The following EPHA3 variants were observed in gnomAD, a reference collection of about 807,000 sequenced individuals.
EPHA3 encodes ephrin type-A receptor 3.
A neutral mutation model predicts 107.1 loss-of-function variants in EPHA3; 42 were observed. The observed-to-expected ratio is 0.39, with a 90% CI of 0.31 to 0.51. EPHA3 has a LOEUF of 0.51. Ranked by LOEUF, EPHA3 falls within the 20% of genes least tolerant of loss-of-function variation. The pLI, the probability that EPHA3 is intolerant of heterozygous loss-of-function variation, is 0.78. For missense variants in EPHA3, 1,183 were observed against 1,211.2 expected, an observed-to-expected ratio of 0.98 and a Z score of 0.35; for synonymous variants, 461 against 424.8, an observed-to-expected ratio of 1.09 and a Z score of -1.05.
At chr3:89,137,985 G>A (rs1032970202) in intron 2 of EPHA3, among the ~76,000 whole-genome samples, 11 of 151,878 alleles carry the variant, frequency 7.2e-5, no homozygotes, top group African/African-American at 2.7e-4. Context: ...ATTTTTAATA[G>A]GCTGTCCATG....
chr3:89,369,377 C>A (rs1184055124), intron 5 of EPHA3, among the ~76,000 whole-genome samples: 6 of 150,656 alleles, frequency 4.0e-5, no homozygotes, highest in African/African-American at 1.5e-4. Flanking sequence ...TTTGACAAAC[C>A]TGAGAAAAAC....
At chr3:89,198,024 G>T (rs1357515820) in intron 2 of EPHA3, among the ~76,000 whole-genome samples, 4 of 151,982 alleles carry the variant, frequency 2.6e-5, no homozygotes. Flanking sequence ...CAAATATTCA[G>T]TTACCTTTTG....
At chr3:89,428,289 C>T (rs1362066780) in intron 11 of EPHA3, among the ~76,000 whole-genome samples, 1 of 151,842 alleles carries the variant, frequency 6.6e-6, no homozygotes, top group Non-Finnish European at 1.5e-5. Context: ...GTTAATTAGC[C>T]TCTGTGTCTC....
At chr3:89,241,327 G>A (rs1435823595) in intron 3 of EPHA3, among the ~76,000 whole-genome samples, 1 of 152,156 alleles carries the variant, frequency 6.6e-6, no homozygotes, top group Non-Finnish European at 1.5e-5. Context: ...ACCTACTGTA[G>A]CTAAATATTA....
At chr3:89,273,751 A>T (rs1346058979) in intron 3 of EPHA3, among the ~76,000 whole-genome samples, 1 of 151,894 alleles carries the variant, frequency 6.6e-6, no homozygotes, top group African/African-American at 2.4e-5. Context: ...AAGGCACCTT[A>T]TTTAATATAC....
intron 5 of EPHA3, among the ~76,000 whole-genome samples, 200 bp downstream of exon 5, chr3:89,342,290 T>C (rs574229945): frequency 1.3e-5 from 2 of 152,272 alleles, no homozygotes; most frequent in South Asian, 4.1e-4. Flanking sequence ...TTAGGTGATT[T>C]TTAAACTAGT....
intron 6 of EPHA3, 150 bp downstream of exon 6, chr3:89,396,111 A>G (rs1708847184): frequency 9.1e-7 from 1 of 1,101,084 alleles, no homozygotes; most frequent in Non-Finnish European, 1.3e-6. Context: ...ATTTATTGGT[A>G]GAGGAAGGTT....
intron 9 of EPHA3, among the ~76,000 whole-genome samples, chr3:89,411,360 C>T (rs1709151466): frequency 6.6e-6 from 1 of 151,804 alleles, no homozygotes; most frequent in Non-Finnish European, 1.5e-5. Context: ...ATCCACACCT[C>T]GCCTCAAGCT....
intron 3 of EPHA3, among the ~76,000 whole-genome samples, chr3:89,339,585 T>C (rs991100804): frequency 6.6e-6 from 1 of 152,160 alleles, no homozygotes; most frequent in Non-Finnish European, 1.5e-5. Context: ...ATTTTGGCAG[T>C]GTATTTCCCT....
At chr3:89,305,741 T>A (rs1706605129) in intron 3 of EPHA3, among the ~76,000 whole-genome samples, 1 of 152,140 alleles carries the variant, frequency 6.6e-6, no homozygotes, top group Admixed American at 6.6e-5. Flanking sequence ...CTTTCCCATG[T>A]TTGACTCCAG....
At chr3:89,479,291 G>A (rs1263145166) in intron 16 of EPHA3, 106 bp from the exon 17 acceptor site, 4 of 830,420 alleles carry the variant, frequency 4.8e-6, no homozygotes, top group East Asian at 2.6e-5. Context: ...AGACAATTAG[G>A]TCCACAGTAC....
intron 13 of EPHA3, among the ~76,000 whole-genome samples, chr3:89,442,683 T>C (rs1309940128): frequency 6.6e-6 from 1 of 152,178 alleles, no homozygotes; most frequent in Non-Finnish European, 1.5e-5. Context: ...GGGGATCAAA[T>C]GTTTCTCTCA....
At chr3:89,293,415 C>T (rs1163059669) in intron 3 of EPHA3, among the ~76,000 whole-genome samples, 1 of 152,056 alleles carries the variant, frequency 6.6e-6, no homozygotes, top group African/African-American at 2.4e-5. Flanking sequence ...ATACCTTTGC[C>T]TATTCAAAGA....
chr3:89,204,480 CCACACACACA>C (rs57892338), intron 2 of EPHA3, among the ~76,000 whole-genome samples: 1,870 of 149,906 alleles, frequency 0.012, 26 homozygotes, highest in African/African-American at 0.04. Flanking sequence ...ATTTGACACA[CCACACACACA>C]CACACACACA....
intron 2 of EPHA3, among the ~76,000 whole-genome samples, chr3:89,200,277 G>C (rs796115545): frequency 3.3e-5 from 5 of 152,200 alleles, no homozygotes; most frequent in African/African-American, 1.2e-4. Flanking sequence ...TCTTTTTGTT[G>C]ATGCTGCATC....
At position 89,260,861 on chromosome 3, in the gene EPHA3, C is replaced by T. The variant is rs1241552862; in HGVS notation, c.814+50341C>T. 3.3e-5 allele frequency among the ~76,000 whole-genome samples: 5 copies of T among 152,322 alleles called. No individual in the cohort carries two copies. In the East Asian group the frequency reaches 9.6e-4, roughly 29 times the overall value. ...ACTGATTCATGAATGGCTGCTTTTT[C>T]CCATTGTTTCCTGTTAGGACTCTAT... On this transcript the variant is annotated intron_variant, in intron 3 of 16. Transcript: ENST00000336596.
At chr3:89,114,583 C>T (rs896055079) in intron 1 of EPHA3, among the ~76,000 whole-genome samples, 1 of 152,200 alleles carries the variant, frequency 6.6e-6, no homozygotes, top group African/African-American at 2.4e-5. Context: ...TCCCGGAGCG[C>T]GACCAGGGTG....
chr3:89,194,307 G>C (rs575950727), intron 2 of EPHA3, among the ~76,000 whole-genome samples: 3 of 152,004 alleles, frequency 2.0e-5, no homozygotes, highest in Admixed American at 2.0e-4. Context: ...ATATTTGCCT[G>C]TAACTGGCAA....
At chr3:89,202,951 G>A (rs1706007537) in intron 2 of EPHA3, among the ~76,000 whole-genome samples, 2 of 152,186 alleles carry the variant, frequency 1.3e-5, no homozygotes, top group Non-Finnish European at 2.9e-5. Flanking sequence ...GGTAGAAGAT[G>A]AGGTTATTCA....
Sources: allele counts gnomAD v4.1 joint callset (sites outside exome capture counted in the v4.1 genomes callset), GRCh38; gene constraint gnomAD v4.1.1; transcripts MANE v1.5; gene names NCBI Gene and HGNC (gene_info 2026-07-23, HGNC 2026-07-21).